Variants in DENND2A observed in about 807,000 individuals in gnomAD.
DENND2A encodes the protein DENN domain-containing protein 2A.
Under a neutral mutation model 105.3 loss-of-function variants are expected in DENND2A, and 53 were observed. That is an observed-to-expected ratio of 0.50 (90% confidence interval 0.40 to 0.63). DENND2A has a LOEUF of 0.63. Among genes scored for constraint, DENND2A ranks in the 30% least tolerant of loss-of-function variants. The pLI, the probability that DENND2A is intolerant of heterozygous loss-of-function variation, is 0.00. For missense variants in DENND2A, 1,138 were observed against 1,279.6 expected (o/e 0.89, Z 1.69); for synonymous variants, 522 against 508.4 (o/e 1.03, Z -0.36).
chr7:140,612,098 G>T (rs1200730707), intron 1 of DENND2A, among the ~76,000 whole-genome samples: 2 of 152,120 alleles, frequency 1.3e-5, no homozygotes, highest in Non-Finnish European at 2.9e-5. Flanking sequence ...AAAATTAGCT[G>T]GGTGTTGTGG....
At chr7:140,564,263 A>T (rs999422648) in intron 9 of DENND2A, among the ~76,000 whole-genome samples, 1 of 144,034 alleles carries the variant, frequency 6.9e-6, no homozygotes, top group African/African-American at 2.7e-5. Context: ...AGCTCAGGCA[A>T]TAGAGTGAGA....
chr7:140,520,564 GT>G (rs563122298), intron 18 of DENND2A, among the ~76,000 whole-genome samples: 3,376 of 144,156 alleles, frequency 0.023, 119 homozygotes, highest in African/African-American at 0.076. Flanking sequence ...TCTTTCCAGG[GT>G]TTTTTTTTTT....
intron 16 of DENND2A, among the ~76,000 whole-genome samples, chr7:140,525,240 C>T (rs1796016657): frequency 6.6e-6 from 1 of 151,506 alleles, no homozygotes; most frequent in African/African-American, 2.4e-5. Flanking sequence ...CTGCAACCTC[C>T]ACCTCCTGGG....
At chr7:140,542,656 C>T (rs549091232) in intron 14 of DENND2A, among the ~76,000 whole-genome samples, 3 of 151,576 alleles carry the variant, frequency 2.0e-5, no homozygotes, top group Admixed American at 2.0e-4. Context: ...CCTCCGCCTC[C>T]CGGGTTCAAA....
intron 1 of DENND2A, among the ~76,000 whole-genome samples, chr7:140,619,882 T>C (rs1018450058): frequency 7.2e-5 from 11 of 151,914 alleles, no homozygotes; most frequent in African/African-American, 2.7e-4. Context: ...TATATCTCAA[T>C]CAAGCTATTA....
intron 1 of DENND2A, among the ~76,000 whole-genome samples, chr7:140,617,730 A>T (rs1225965782): frequency 2.0e-5 from 3 of 152,072 alleles, no homozygotes; most frequent in African/African-American, 7.2e-5. Context: ...ACAACAACAA[A>T]AACAACTTGA....
intron 14 of DENND2A, among the ~76,000 whole-genome samples, chr7:140,540,989 A>G (rs1796636166): frequency 1.3e-5 from 2 of 152,010 alleles, no homozygotes; most frequent in African/African-American, 4.8e-5. Flanking sequence ...AAGTGCTGGG[A>G]TTACAGGCGT....
intron 17 of DENND2A, among the ~76,000 whole-genome samples, chr7:140,522,439 G>A (rs374678261): frequency 8.6e-5 from 13 of 151,638 alleles, no homozygotes; most frequent in South Asian, 4.2e-4. Context: ...TCAGCCTCCC[G>A]AGTAGCTGGG....
chr7:140,563,293 C>T (rs185317787), intron 9 of DENND2A, among the ~76,000 whole-genome samples: 4 of 152,298 alleles, frequency 2.6e-5, no homozygotes, highest in South Asian at 2.1e-4. Context: ...CCTACCCACA[C>T]GTCATCAACC....
chr7:140,518,458 A>C lies in DENND2A; in HGVS notation c.*249T>G, dbSNP rs545506102. The C allele has an allele frequency of 4.2e-5, 18 of 426,876 alleles. No individual in the cohort carries two copies. The highest frequency in any genetic ancestry group is 2.7e-4 in the African/African-American group (13 of 47,618). 26.4% of individuals were successfully genotyped at this position (426,876 alleles called of 1,614,324 possible). On this transcript the variant is annotated 3_prime_UTR_variant, in exon 20 of 20. Transcript: ENST00000496613. Reference sequence around the variant, plus strand: ...TTTAATATCTAAGATAAAAAAAAAAACCCAACCACCAAAACAACCCATTTG... The same window carrying C: ...TTTAATATCTAAGATAAAAAAAAAACCCCAACCACCAAAACAACCCATTTG...
Position 140,594,127 on chromosome 7 carries a change from C to T in DENND2A, c.996-6347G>A, listed in dbSNP as rs574455387. Among the ~76,000 whole-genome samples, 7 of 152,172 alleles carry T rather than the reference C, an allele frequency of 4.6e-5. No individual in the cohort carries two copies. In the South Asian group the frequency reaches 6.2e-4, roughly 14 times the overall value. On this transcript the variant is annotated intron_variant, in intron 3 of 19. Transcript: ENST00000496613. Reference sequence around the variant, plus strand: ...TTCACCATGTAGGCCAGGCTGGTCTCGAACTCCTGGCCACAGGTGATCCAC... The same window carrying T: ...TTCACCATGTAGGCCAGGCTGGTCTTGAACTCCTGGCCACAGGTGATCCAC...
At position 140,567,262 on chromosome 7, in the gene DENND2A, G is replaced by A. The variant is rs370243121; in HGVS notation, c.1603C>T (p.Arg535Cys). 1.8e-5 allele frequency: 29 copies of A among 1,607,994 alleles called. No homozygotes were observed. The highest frequency in any genetic ancestry group is 1.2e-4 in the African/African-American group (9 of 74,310). ...AGCCGGGACTTCACGTTGACCAGGCGCTGGCTGTGAGCTGGGTGAGGGAGG... is the reference window on the plus strand; with the variant it reads ...AGCCGGGACTTCACGTTGACCAGGCACTGGCTGTGAGCTGGGTGAGGGAGG... ...TEEKLKAHSQRLVNVKSRLKQ... is the reference protein window; with the variant it reads ...TEEKLKAHSQCLVNVKSRLKQ... Residue 535 changes from arginine to cysteine, a missense_variant, in exon 9 of 20, where the codon CGC (arginine) becomes TGC (cysteine). Transcript: ENST00000496613.
intron 3 of DENND2A, among the ~76,000 whole-genome samples, chr7:140,594,229 T>C (rs904938002): frequency 6.6e-6 from 1 of 152,018 alleles, no homozygotes; most frequent in Non-Finnish European, 1.5e-5. Flanking sequence ...AATCTGATTA[T>C]CTCTCTCCCC....
intron 18 of DENND2A, 76 bp downstream of exon 18, chr7:140,521,779 T>C: frequency 6.3e-7 from 1 of 1,581,612 alleles, no homozygotes; most frequent in Non-Finnish European, 8.6e-7. Flanking sequence ...CCTGTGATCT[T>C]TCTCCCTACT....
At chr7:140,549,460 G>A (rs1797031252) in intron 12 of DENND2A, among the ~76,000 whole-genome samples, 1 of 152,022 alleles carries the variant, frequency 6.6e-6, no homozygotes, top group Admixed American at 6.6e-5. Context: ...ATTTTGCCAT[G>A]TTGGCCAGGC....
rs560474633 is a variant in DENND2A, at chr7:140,567,248, C to T, written c.1617G>A (p.Val539=). The stretch of plus-strand genomic sequence containing the variant: ...GAGGCGCCTGCTTCAGCCGGGACTT[C>T]ACGTTGACCAGGCGCTGGCTGTGAG... ...LKAHSQRLVN[V]KSRLKQAPRY... The change falls in exon 9 of 20, where the codon GTG becomes GTA. Residue 539 remains valine (V), a synonymous_variant. Transcript: ENST00000496613. 8 of 1,610,962 alleles carry T rather than the reference C, an allele frequency of 5.0e-6. 1 individual carries two copies. The South Asian group carries it at 8.8e-5, about 18-fold the overall frequency.
chr7:140,552,111 G>C (rs1401063958), intron 12 of DENND2A, among the ~76,000 whole-genome samples: 1 of 152,148 alleles, frequency 6.6e-6, no homozygotes, highest in African/African-American at 2.4e-5. Flanking sequence ...AACAACAAAG[G>C]CTATGACCTA....
intron 5 of DENND2A, among the ~76,000 whole-genome samples, chr7:140,584,012 C>T (rs1291420741): frequency 1.3e-5 from 2 of 148,312 alleles, no homozygotes; most frequent in Admixed American, 6.7e-5. Context: ...GAGGCCAAGG[C>T]GGGCGGATCA....
At chr7:140,562,895 G>A (rs944849450) in intron 9 of DENND2A, among the ~76,000 whole-genome samples, 2 of 152,106 alleles carry the variant, frequency 1.3e-5, no homozygotes, top group East Asian at 1.9e-4. Flanking sequence ...TTCCATCCAC[G>A]ATGACACAGA....
Sources: gnomAD v4.1 joint callset for allele counts (sites outside exome capture counted in the v4.1 genomes callset) on GRCh38, gnomAD v4.1.1 for gene constraint, MANE v1.5 for transcripts, NCBI Gene and HGNC (gene_info 2026-07-23, HGNC 2026-07-21) for gene names.